Variants in TSHZ2 observed in about 807,000 individuals in gnomAD.
TSHZ2 encodes the protein teashirt homolog 2.
A neutral mutation model predicts 74.4 loss-of-function variants in TSHZ2; 21 were observed. That is an observed-to-expected ratio of 0.28 (90% CI 0.20 to 0.41). The LOEUF (loss-of-function observed/expected upper bound fraction) is 0.41, where lower values mean the gene tolerates loss of function less well. Ranked by LOEUF, TSHZ2 falls within the 10% of genes least tolerant of loss-of-function variation. TSHZ2 has a pLI of 1.00. For missense variants in TSHZ2, 1,244 were observed against 1,293.5 expected, an observed-to-expected ratio of 0.96 and a Z score of 0.59; for synonymous variants, 540 against 515.3, an observed-to-expected ratio of 1.05 and a Z score of -0.65.
At chr20:53,396,944 C>G (rs1308440847) in intron 2 of TSHZ2, among the ~76,000 whole-genome samples, 1 of 151,458 alleles carries the variant, frequency 6.6e-6, no homozygotes, top group African/African-American at 2.4e-5. Flanking sequence ...GAAACTGGAT[C>G]CCTTCCTTAC....
intron 1 of TSHZ2, among the ~76,000 whole-genome samples, chr20:53,072,485 G>A (rs1370145941): frequency 2.0e-5 from 3 of 152,086 alleles, no homozygotes; most frequent in African/African-American, 7.2e-5. Flanking sequence ...CTTTTCATTT[G>A]TAAGCTTGGA....
chr20:53,161,129 G>GAAAAAAAAA (rs1470010170), intron 1 of TSHZ2, among the ~76,000 whole-genome samples: 5 of 20,012 alleles, frequency 2.5e-4, no homozygotes, highest in African/African-American at 3.4e-4. Flanking sequence ...GTTATTTTCA[G>GAAAAAAAAA]CAAAAAAAAA....
chr20:53,070,361 CTTAA>C (rs1985132085), intron 1 of TSHZ2, among the ~76,000 whole-genome samples: 1 of 152,186 alleles, frequency 6.6e-6, no homozygotes, highest in Non-Finnish European at 1.5e-5. Context: ...AATAGCCTAT[CTTAA>C]TTAGCTGCCA....
At chr20:53,005,881 C>T (rs1362445535) in intron 1 of TSHZ2, among the ~76,000 whole-genome samples, 1 of 152,018 alleles carries the variant, frequency 6.6e-6, no homozygotes, top group Non-Finnish European at 1.5e-5. Flanking sequence ...AATAGCATTT[C>T]ACCTGCCTTT....
intron 1 of TSHZ2, among the ~76,000 whole-genome samples, chr20:53,224,483 A>C (rs1286322674): frequency 6.6e-6 from 1 of 152,198 alleles, no homozygotes; most frequent in African/African-American, 2.4e-5. Flanking sequence ...AACTGTTCTC[A>C]TGATGTTGTT....
intron 2 of TSHZ2, among the ~76,000 whole-genome samples, chr20:53,340,184 C>CTTTTTTTTTTTTTT (rs557613827): frequency 2.2e-4 from 24 of 109,858 alleles, no homozygotes; most frequent in East Asian, 5.7e-4. Flanking sequence ...TTTCTTTTTT[C>CTTTTTTTTTTTTTT]TTTTTTTTTT....
At chr20:53,000,025 T>C (rs1982353696) in intron 1 of TSHZ2, among the ~76,000 whole-genome samples, 1 of 152,228 alleles carries the variant, frequency 6.6e-6, no homozygotes, top group South Asian at 2.1e-4. Context: ...GCTAAACACT[T>C]ATGATGTCCA....
intron 2 of TSHZ2, among the ~76,000 whole-genome samples, chr20:53,434,535 T>A (rs999318324): frequency 2.0e-5 from 3 of 152,168 alleles, no homozygotes; most frequent in Non-Finnish European, 4.4e-5. Flanking sequence ...GGAAGATCGT[T>A]TTCATGAAGG....
chr20:53,044,805 G>A (rs1984167625), intron 1 of TSHZ2, among the ~76,000 whole-genome samples: 1 of 152,108 alleles, frequency 6.6e-6, no homozygotes, highest in Non-Finnish European at 1.5e-5. Context: ...GAACTCCTGG[G>A]TTCACGGGAT....
At chr20:53,223,265 GA>G (rs1989605636) in intron 1 of TSHZ2, among the ~76,000 whole-genome samples, 1 of 152,088 alleles carries the variant, frequency 6.6e-6, no homozygotes, top group Non-Finnish European at 1.5e-5. Context: ...ATTTTAACAT[GA>G]ATTTTTTTAA....
intron 1 of TSHZ2, among the ~76,000 whole-genome samples, chr20:53,187,697 T>G (rs1296970886): frequency 1.2e-5 from 1 of 82,140 alleles, no homozygotes; most frequent in Non-Finnish European, 2.5e-5. Flanking sequence ...CTCAGTGCTG[T>G]TTTTTTTTAA....
At chr20:53,405,973 G>A (rs189098513) in intron 2 of TSHZ2, among the ~76,000 whole-genome samples, 3 of 152,080 alleles carry the variant, frequency 2.0e-5, no homozygotes. Context: ...CTCCAGCCTG[G>A]GTGACAGAGC....
chr20:53,391,687 A>T (rs1390500668), intron 2 of TSHZ2, among the ~76,000 whole-genome samples: 1 of 152,212 alleles, frequency 6.6e-6, no homozygotes, highest in Admixed American at 6.5e-5. Context: ...TCTCGCCTGT[A>T]ATCCCAACAC....
At chr20:53,041,782 C>T (rs1372765162) in intron 1 of TSHZ2, among the ~76,000 whole-genome samples, 2 of 152,214 alleles carry the variant, frequency 1.3e-5, no homozygotes, top group African/African-American at 4.8e-5. Context: ...CTGCAAAATC[C>T]ATGCCACGAG....
intron 1 of TSHZ2, among the ~76,000 whole-genome samples, chr20:53,224,712 C>T (rs998925374): frequency 6.6e-5 from 10 of 151,782 alleles, no homozygotes; most frequent in South Asian, 6.3e-4. Flanking sequence ...TAGCTGGGTG[C>T]GGTGGTGGAC....
chr20:53,378,548 T>A (rs1981744894), intron 2 of TSHZ2, among the ~76,000 whole-genome samples: 1 of 152,084 alleles, frequency 6.6e-6, no homozygotes, highest in South Asian at 2.1e-4. Flanking sequence ...TCTCTGAATA[T>A]TCATAACAAA....
rs79360151 is a variant in TSHZ2, at chr20:53,095,095, G to A, written c.40+121762G>A. ...ACAATCAGGCAATTTGCTGGCTCAC[G>A]CAACTCAAAAGTCTAGGACAAGCTG... On this transcript the variant is annotated intron_variant, in intron 1 of 2. Transcript: ENST00000371497. Among the ~76,000 whole-genome samples the A allele has an allele frequency of 9.2e-3, 1,393 of 152,234 alleles. 8 individuals carry two copies. Among genetic ancestry groups the A allele is most frequent in the African/African-American group, 0.021 (867 of 41,540 alleles).
intron 2 of TSHZ2, among the ~76,000 whole-genome samples, chr20:53,433,561 C>T (rs1015218776): frequency 8.7e-6 from 1 of 114,326 alleles, no homozygotes; most frequent in African/African-American, 3.7e-5. Flanking sequence ...CAGAACAAAC[C>T]AACACAGACA....
chr20:53,003,890 CTTTT>C (rs1982535921), intron 1 of TSHZ2, among the ~76,000 whole-genome samples: 1 of 151,186 alleles, frequency 6.6e-6, no homozygotes, highest in Non-Finnish European at 1.5e-5. Context: ...TCTTTTTTTT[CTTTT>C]TCTTTTTTTT....
Sources: allele counts gnomAD v4.1 joint callset (sites outside exome capture counted in the v4.1 genomes callset), GRCh38; gene constraint gnomAD v4.1.1; transcripts MANE v1.5; gene names NCBI Gene and HGNC (gene_info 2026-07-23, HGNC 2026-07-21).